The following CCSER1 variants were observed in gnomAD, a reference collection of about 807,000 sequenced individuals.
The protein encoded by CCSER1 is coiled-coil serine rich protein 1, also known as serine-rich coiled-coil domain-containing protein 1.
CCSER1 carries 41 observed loss-of-function variants against 82.0 expected under a neutral mutation model. That is an observed-to-expected ratio of 0.50 (90% CI 0.39 to 0.65). CCSER1 has a LOEUF of 0.65. CCSER1 is among the 30% of genes least tolerant of loss of function. The pLI is 0.00. For synonymous variants in CCSER1, 414 were observed against 383.9 expected, an observed-to-expected ratio of 1.08 and a Z score of -0.92; for missense variants, 1,119 against 1,064.2, an observed-to-expected ratio of 1.05 and a Z score of -0.72.
chr4:91,348,242 A>C (rs543144944), intron 10 of CCSER1, among the ~76,000 whole-genome samples: 1 of 152,152 alleles, frequency 6.6e-6, no homozygotes, highest in Non-Finnish European at 1.5e-5. Flanking sequence ...ATAATAATAT[A>C]ATTTCTCTTA....
chr4:91,417,768 C>G (rs1264024836), intron 10 of CCSER1, among the ~76,000 whole-genome samples: 1 of 151,218 alleles, frequency 6.6e-6, no homozygotes, highest in African/African-American at 2.4e-5. Flanking sequence ...ATGGGCTGAT[C>G]TGTGCTGCAG....
chr4:91,328,693 T>TAAAAC (rs1182951081), intron 10 of CCSER1, among the ~76,000 whole-genome samples: 1 of 152,170 alleles, frequency 6.6e-6, no homozygotes, highest in Non-Finnish European at 1.5e-5. Flanking sequence ...TAAAATAAAA[T>TAAAAC]AAAACACTTT....
At chr4:90,276,306 C>CCTTCCTTCCTTA (rs1727764575) in intron 1 of CCSER1, among the ~76,000 whole-genome samples, 1 of 101,230 alleles carries the variant, frequency 9.9e-6, no homozygotes, top group South Asian at 3.7e-4. Context: ...TTCCTTCCTT[C>CCTTCCTTCCTTA]CTTTCTTTCT....
intron 9 of CCSER1, among the ~76,000 whole-genome samples, chr4:91,008,731 A>G (rs1045874529): frequency 2.0e-5 from 3 of 152,206 alleles, no homozygotes; most frequent in Non-Finnish European, 4.4e-5. Context: ...AAGAGTTACT[A>G]CTGATGTTAC....
chr4:90,568,302 C>A (rs1403247608), intron 5 of CCSER1, among the ~76,000 whole-genome samples: 2 of 152,162 alleles, frequency 1.3e-5, no homozygotes, highest in East Asian at 3.9e-4. Context: ...GTCCATCTCT[C>A]CCTTCAAATC....
rs191741071 is a variant in CCSER1, at chr4:90,883,798, G to A, written c.2095-39572G>A. Among the ~76,000 whole-genome samples, 291 of 152,182 alleles carry A rather than the reference G, an allele frequency of 1.9e-3. 3 individuals carry two copies. Among genetic ancestry groups the A allele is most frequent in the African/African-American group, 6.6e-3 (272 of 41,526 alleles). On this transcript the variant is annotated intron_variant, in intron 8 of 10. Coordinates refer to ENST00000509176, the MANE Select transcript of CCSER1 (RefSeq NM_001145065.2). The stretch of plus-strand genomic sequence containing the variant: ...AGATGGAATATATCTGAAGGCTATA[G>A]GGTGAAATTAAACATAACAAAATTG...
intron 5 of CCSER1, among the ~76,000 whole-genome samples, chr4:90,527,829 TTG>T: frequency 6.6e-6 from 1 of 152,266 alleles, no homozygotes; most frequent in East Asian, 1.9e-4. Context: ...ATTGATGGTA[TTG>T]TTTAAGTAGA....
chr4:90,582,280 A>C (rs1781495381), intron 5 of CCSER1, among the ~76,000 whole-genome samples: 1 of 152,224 alleles, frequency 6.6e-6, no homozygotes, highest in South Asian at 2.1e-4. Context: ...TTCTGAAGAC[A>C]GGCTTTTCCT....
intron 10 of CCSER1, among the ~76,000 whole-genome samples, chr4:91,353,983 TAGTA>T (rs1369707850): frequency 1.3e-5 from 2 of 152,158 alleles, no homozygotes; most frequent in Non-Finnish European, 2.9e-5. Context: ...AGGCAACAAT[TAGTA>T]AGGTTAATTT....
intron 8 of CCSER1, among the ~76,000 whole-genome samples, chr4:90,823,720 A>G (rs2149796102): frequency 6.6e-6 from 1 of 151,874 alleles, no homozygotes; most frequent in Admixed American, 6.6e-5. Flanking sequence ...TTTTAATAAT[A>G]TCTTCAAAAC....
At chr4:91,111,065 G>A (rs1581576739) in intron 10 of CCSER1, among the ~76,000 whole-genome samples, 1 of 151,852 alleles carries the variant, frequency 6.6e-6, no homozygotes, top group African/African-American at 2.4e-5. Flanking sequence ...GATTTTATGG[G>A]AACCATTTTT....
chr4:90,529,154 A>G (rs1774166263), intron 5 of CCSER1, among the ~76,000 whole-genome samples: 1 of 152,158 alleles, frequency 6.6e-6, no homozygotes, highest in Non-Finnish European at 1.5e-5. Context: ...GTTGTAGTAC[A>G]TGTATATACA....
intron 10 of CCSER1, among the ~76,000 whole-genome samples, chr4:91,560,053 AATAG>A (rs1260934706): frequency 6.6e-6 from 1 of 151,524 alleles, no homozygotes; most frequent in Non-Finnish European, 1.5e-5. Context: ...ATAATGAATA[AATAG>A]ATAAATAGAT....
At chr4:90,839,011 C>T (rs1762210886) in intron 8 of CCSER1, 2 of 1,612,460 alleles carry the variant, frequency 1.2e-6, no homozygotes, top group African/African-American at 1.3e-5. Context: ...ATTTCTCGAT[C>T]TCAGCCATAT....
intron 10 of CCSER1, chr4:91,319,700 C>T: frequency 2.2e-6 from 1 of 455,818 alleles, no homozygotes; most frequent in South Asian, 1.5e-5. Flanking sequence ...TCTGATTTCC[C>T]TGTGTGTCCC....
intron 10 of CCSER1, among the ~76,000 whole-genome samples, chr4:91,329,554 C>G (rs1049046569): frequency 1.3e-5 from 2 of 152,106 alleles, no homozygotes; most frequent in African/African-American, 4.8e-5. Context: ...TTTTGGAGAA[C>G]GAAAACTCCA....
At chr4:90,934,981 A>G (rs1407741374) in intron 9 of CCSER1, among the ~76,000 whole-genome samples, 3 of 151,960 alleles carry the variant, frequency 2.0e-5, no homozygotes, top group African/African-American at 4.8e-5. Flanking sequence ...GACTGTCTTG[A>G]TTAAGGAAAC....
chr4:90,609,050 T>C (rs1785117004), intron 5 of CCSER1, among the ~76,000 whole-genome samples: 2 of 152,162 alleles, frequency 1.3e-5, no homozygotes, highest in East Asian at 1.9e-4. Flanking sequence ...GCCTCCAAGA[T>C]AGAATCCTGG....
intron 6 of CCSER1, among the ~76,000 whole-genome samples, chr4:90,699,261 C>G (rs1364350880): frequency 6.6e-6 from 1 of 152,000 alleles, no homozygotes; most frequent in Non-Finnish European, 1.5e-5. Flanking sequence ...GCCAGGAGTT[C>G]AAGACCAGGC....
Sources: gnomAD v4.1 joint callset for allele counts (sites outside exome capture counted in the v4.1 genomes callset) on GRCh38, gnomAD v4.1.1 for gene constraint, MANE v1.5 for transcripts, NCBI Gene and HGNC (gene_info 2026-07-23, HGNC 2026-07-21) for gene names.